Variants in CCT5 observed in about 807,000 individuals in gnomAD.
The protein encoded by CCT5 is T-complex protein 1 subunit epsilon.
CCT5 carries 6 observed loss-of-function variants against 55.0 expected under a neutral mutation model. The ratio of observed to expected loss-of-function variants is 0.11; its 90% CI spans 0.06 to 0.22. The LOEUF is 0.22. CCT5 is among the 10% of genes least tolerant of loss of function. The probability of loss-of-function intolerance (pLI) is 1.00; values close to 1 mark genes in which losing one functional copy is unlikely to be tolerated. For missense variants in CCT5, 560 were observed against 694.6 expected, an observed-to-expected ratio of 0.81 and a Z score of 2.18; for synonymous variants, 231 against 243.7, an observed-to-expected ratio of 0.95 and a Z score of 0.49.
At chr5:10,251,055 G>A (rs1440828575) in intron 1 of CCT5, among the ~76,000 whole-genome samples, 2 of 152,202 alleles carry the variant, frequency 1.3e-5, no homozygotes, top group East Asian at 3.8e-4. Context: ...TGGTGCTGGA[G>A]GACAGCTTTA....
Position 10,261,560 on chromosome 5 carries a change from C to G in CCT5, c.994C>G (p.Leu332Val). 1 of 1,614,060 alleles carries G rather than the reference C, an allele frequency of 6.2e-7. No homozygotes were observed. The highest frequency in any genetic ancestry group is 8.5e-7 in the Non-Finnish European group (1 of 1,179,938). The change falls in exon 8 of 11, where the codon CTG becomes GTG. Residue 332 changes from leucine (L) to valine (V), a missense_variant and splice_region_variant. Coordinates refer to ENST00000280326, the MANE Select transcript of CCT5 (RefSeq NM_012073.5). ...CCTTCTCCCTGACCACCCCAATTAGCTGATTGCCATCGCAACAGGAGGGCG... is the reference window on the plus strand; with the variant it reads ...CCTTCTCCCTGACCACCCCAATTAGGTGATTGCCATCGCAACAGGAGGGCG... ...VRWVGGPEIE[L>V]IAIATGGRIV...
At chr5:10,259,264 A>G (rs540034870) in intron 6 of CCT5, among the ~76,000 whole-genome samples, 128 of 152,302 alleles carry the variant, frequency 8.4e-4, no homozygotes, top group African/African-American at 3.0e-3. Flanking sequence ...TCTCTGACAT[A>G]GCAACTCCTC....
In CCT5 at chr5:10,260,716, C is replaced by T. The variant is rs1745914812; in HGVS notation, c.874-76C>T. ...ACCTGCCTTACACCCAACTGTGCCT[C>T]TCCTTTTTTCAAACATTGTAATGAA... On this transcript the variant is annotated intron_variant, in intron 6 of 10. Transcript: ENST00000280326. The T allele has an allele frequency of 7.1e-6, 11 of 1,544,398 alleles. No homozygotes were observed. In the South Asian group the frequency reaches 9.0e-5, roughly 13 times the overall value.
In CCT5 at chr5:10,262,675, G is replaced by A. The variant is rs1579457604; in HGVS notation, c.1317+57G>A. 29 of 1,587,662 alleles carry A rather than the reference G, an allele frequency of 1.8e-5. No homozygotes were observed. The East Asian group carries it at 6.5e-4, about 35-fold the overall frequency. On this transcript the variant is annotated intron_variant, in intron 9 of 10. Transcript: ENST00000280326. ...TCAGGCCTCGCTGATGGTGGAGACT[G>A]TGAAGCTGCGGAACAGCGAGGTGCT...
At chr5:10,254,992 C>A in intron 3 of CCT5, 154 bp downstream of exon 3, 1 of 664,678 alleles carries the variant, frequency 1.5e-6, no homozygotes, top group Non-Finnish European at 2.7e-6. Context: ...GTCGGACTTT[C>A]AAAACTGACA....
chr5:10,261,030 G>A (rs1277458445), intron 7 of CCT5, 119 bp downstream of exon 7: 24 of 1,018,854 alleles, frequency 2.4e-5, no homozygotes, highest in Non-Finnish European at 3.7e-5. Flanking sequence ...GATGAGGGGA[G>A]GGTGAGCTGG....
intron 1 of CCT5, among the ~76,000 whole-genome samples, chr5:10,253,170 A>G (rs1745512851): frequency 6.6e-6 from 1 of 152,078 alleles, no homozygotes; most frequent in Non-Finnish European, 1.5e-5. Context: ...TACTGAAAAT[A>G]CAAAAAAAAA....
chr5:10,257,898 C>T, intron 4 of CCT5: 1 of 591,620 alleles, frequency 1.7e-6, no homozygotes. Context: ...GTAATTTTTT[C>T]CTATCTAAGT....
chr5:10,254,624 A>G (rs1236561957), intron 2 of CCT5, 50 bp from the exon 3 acceptor site: 1 of 1,545,692 alleles, frequency 6.5e-7, no homozygotes, highest in Non-Finnish European at 8.9e-7. Context: ...ATAGTTTGTG[A>G]TATTGGTTGC....
rs756752787 is a variant in CCT5, at chr5:10,256,097, C to T, written c.474C>T (p.Asp158=). ...LDKISDSVLV[D]IKDTEPLIQT... ...AGATCAGCGATAGCGTCCTTGTTGA[C>T]ATAAAGGACACCGAACCCCTGATTC... Residue 158 remains aspartate, a synonymous_variant, in exon 4 of 11, where the codon GAC becomes GAT. Coordinates refer to ENST00000280326, the MANE Select transcript of CCT5 (RefSeq NM_012073.5). 3.7e-6 allele frequency: 6 copies of T among 1,613,970 alleles called. No individual in the cohort carries two copies. Among genetic ancestry groups the T allele is most frequent in the Non-Finnish European group, 4.2e-6 (5 of 1,179,880 alleles).
intron 4 of CCT5, 77 bp from the exon 5 acceptor site, chr5:10,258,034 A>G: frequency 7.2e-7 from 1 of 1,395,548 alleles, no homozygotes; most frequent in Non-Finnish European, 1.0e-6. Context: ...ATCTTTGAGT[A>G]ACATTGTGTT....
rs535459086 is a variant in CCT5 at position 10,258,261 on chromosome 5, C to A, written c.681C>A (p.Gly227=). 6.2e-7 allele frequency: 1 copy of A among 1,614,166 alleles called. No individual in the cohort carries two copies. The highest frequency in any genetic ancestry group is 1.1e-5 in the South Asian group (1 of 91,088). The stretch of plus-strand genomic sequence containing the variant: ...TGGAGGACACTAAACTGATTAAGGG[C>A]GTGATTGTGGACAAGGATTTCAGTC... ...GRLEDTKLIK[G]VIVDKDFSHP... Residue 227 remains glycine (G), a synonymous_variant, in exon 5 of 11, where the codon GGC becomes GGA. Transcript: ENST00000280326.
intron 1 of CCT5, among the ~76,000 whole-genome samples, chr5:10,251,985 T>A (rs1745445702): frequency 6.6e-6 from 1 of 152,242 alleles, no homozygotes; most frequent in African/African-American, 2.4e-5. Flanking sequence ...CCAGAGCAGT[T>A]GAGAAATTGT....
Position 10,258,474 on chromosome 5 carries a change from T to G in CCT5, c.812T>G (p.Val271Gly). ...KTKHKLDVTS[V>G]EDYKALQKYE... is the part of the protein sequence containing the mutation. ...AAGCATAAGCTGGATGTGACCTCTG[T>G]CGAAGATTATAAAGCCCTTCAGAAA... is the stretch of plus-strand genomic sequence containing the variant. Residue 271 changes from valine to glycine, a missense_variant, in exon 6 of 11, where the codon GTC becomes GGC. Physicochemically the swap from Val to Gly is moderately radical, Grantham distance 109. This residue lies in a region of CCT5 where 256 missense variants were observed against 372.4 expected (regional missense o/e 0.69). Transcript: ENST00000280326. 1 of 1,614,116 alleles carries G rather than the reference T, an allele frequency of 6.2e-7. No homozygotes were observed. Among genetic ancestry groups the G allele is most frequent in the Non-Finnish European group, 8.5e-7 (1 of 1,179,966 alleles).
chr5:10,264,902 T>G lies in CCT5; in HGVS notation c.*119T>G. ...TTTCCAGACACTGTAGATGCTATAA[T>G]AAAAATAGCTGTTTGGTAACCATAG... On this transcript the variant is annotated 3_prime_UTR_variant, in exon 11 of 11. Coordinates refer to ENST00000280326, the MANE Select transcript of CCT5 (RefSeq NM_012073.5). 7.6e-7 allele frequency: 1 copy of G among 1,314,438 alleles called. No individual in the cohort carries two copies. Among genetic ancestry groups the G allele is most frequent in the South Asian group, 1.3e-5 (1 of 76,506 alleles). The allele number at this position is 1,314,438 out of a possible 1,614,324, so 81.4% of individuals were successfully genotyped here.
In CCT5 at chr5:10,265,054, CAG is replaced by C. The variant is rs1173547473; in HGVS notation, c.*272_*273del. The C allele has an allele frequency of 1.0e-5, 4 of 388,660 alleles. No homozygotes were observed. The highest frequency in any genetic ancestry group is 4.4e-5 in the Admixed American group (1 of 22,976). 24.1% of individuals were successfully genotyped at this position (388,660 alleles called of 1,614,324 possible). A position where few individuals can be genotyped will look rare whatever the true frequency, so the allele number is the denominator to read the frequency against. On this transcript the variant is annotated 3_prime_UTR_variant, in exon 11 of 11. Coordinates refer to ENST00000280326, the MANE Select transcript of CCT5 (RefSeq NM_012073.5). ...CGGGTTTAAGAAACGTTTATTGTAA[CAG>C]TAATTAAATGCTGCCTTAATTGAAG...
chr5:10,262,021 T>C (rs1745988192), intron 8 of CCT5: 1 of 431,914 alleles, frequency 2.3e-6, no homozygotes, highest in African/African-American at 2.0e-5. Flanking sequence ...AATATTCAAG[T>C]CCTGGATTTT....
upstream of CCT5, chr5:10,250,110 A>C: frequency 6.5e-7 from 1 of 1,535,896 alleles, no homozygotes; most frequent in Non-Finnish European, 8.7e-7. Flanking sequence ...ATTTCCACTA[A>C]GTGTCTTCAA....
chr5:10,262,236 A>G, intron 8 of CCT5: 1 of 508,758 alleles, frequency 2.0e-6, no homozygotes. Flanking sequence ...AATCTTTGCG[A>G]GTTTTGTCAG....
Sources: allele counts gnomAD v4.1 joint callset (sites outside exome capture counted in the v4.1 genomes callset), GRCh38; gene constraint gnomAD v4.1.1; regional missense constraint gnomAD v4.1.1; transcripts MANE v1.5; gene names NCBI Gene and HGNC (gene_info 2026-07-23, HGNC 2026-07-21).